The following FBXO3 variants were observed in gnomAD, a reference collection of about 807,000 sequenced individuals.
The protein encoded by FBXO3 is F-box only protein 3.
In FBXO3, 17 loss-of-function variants were observed where a neutral mutation model predicts 64.8. The observed-to-expected ratio is 0.26, with a 90% CI of 0.18 to 0.39. The LOEUF is 0.39. Among genes scored for constraint, FBXO3 ranks in the 10% least tolerant of loss-of-function variants. The pLI is 1.00. For synonymous variants in FBXO3, 182 were observed against 201.6 expected, an observed-to-expected ratio of 0.90 and a Z score of 0.82; for missense variants, 420 against 589.9, an observed-to-expected ratio of 0.71 and a Z score of 2.98.
intron 10 of FBXO3, 103 bp from the exon 11 acceptor site, chr11:33,742,187 CA>C (rs1191254976): frequency 9.0e-6 from 10 of 1,105,006 alleles, no homozygotes; most frequent in Non-Finnish European, 1.2e-5. Flanking sequence ...CCAGACACGC[CA>C]AATATGAATT....
rs138939203 is a variant in FBXO3, at chr11:33,770,910, T to G, written c.105-80A>C. 4,304 of 1,140,880 alleles carry G rather than the reference T, an allele frequency of 3.8e-3. 10 individuals are homozygous for G. Among genetic ancestry groups the G allele is most frequent in the Non-Finnish European group, 4.2e-3 (3,352 of 796,410 alleles). The allele number at this position is 1,140,880 out of a possible 1,614,324, so 70.7% of individuals were successfully genotyped here. A position where few individuals can be genotyped will look rare whatever the true frequency, so the allele number is the denominator to read the frequency against. Reference sequence around the variant, plus strand: ...AAATAAAGATTAAAATATTCATTGTTTTGTTTTATGCCTTTTGTTTCTCTT... The same window carrying G: ...AAATAAAGATTAAAATATTCATTGTGTTGTTTTATGCCTTTTGTTTCTCTT... On this transcript the variant is annotated intron_variant, in intron 1 of 10. Transcript: ENST00000265651.
intron 3 of FBXO3, among the ~76,000 whole-genome samples, chr11:33,760,564 G>C (rs1385929664): frequency 6.6e-6 from 1 of 152,048 alleles, no homozygotes; most frequent in East Asian, 1.9e-4. Context: ...AGGATTGTTT[G>C]AGCCCAGGAG....
chr11:33,754,284 C>T (rs577895547), intron 6 of FBXO3, 171 bp downstream of exon 6: 13 of 519,106 alleles, frequency 2.5e-5, no homozygotes, highest in Admixed American at 7.7e-5. Context: ...AATACAAAAA[C>T]GGTTCTAATG....
intron 5 of FBXO3, among the ~76,000 whole-genome samples, chr11:33,755,249 G>A (rs1855066808): frequency 6.6e-6 from 1 of 152,152 alleles, no homozygotes; most frequent in Admixed American, 6.5e-5. Context: ...GGCAGAGGTT[G>A]TGTAACTGAG....
chr11:33,758,926 TA>T (rs55636309), intron 3 of FBXO3, among the ~76,000 whole-genome samples: 44,071 of 148,074 alleles, frequency 0.3, 7,508 homozygotes, highest in Middle Eastern at 0.5. Flanking sequence ...TTATTTAAAA[TA>T]AAAAAAAAAA....
intron 6 of FBXO3, among the ~76,000 whole-genome samples, chr11:33,752,090 C>A (rs1331798382): frequency 6.6e-6 from 1 of 152,206 alleles, no homozygotes; most frequent in Non-Finnish European, 1.5e-5. Context: ...GGACATCTAC[C>A]AGGGACATGA....
intron 6 of FBXO3, 27 bp from the exon 7 acceptor site, chr11:33,751,634 A>G (rs771747738): frequency 5.1e-6 from 7 of 1,364,720 alleles, no homozygotes; most frequent in Middle Eastern, 2.0e-4. Flanking sequence ...GGAGAAAAAA[A>G]GAAAAGAACA....
chr11:33,772,313 C>T (rs1026358386), intron 1 of FBXO3: 1 of 152,192 alleles, frequency 6.6e-6, no homozygotes, highest in Non-Finnish European at 1.5e-5. Flanking sequence ...AAATGGTATT[C>T]AACTCAATTT....
chr11:33,757,544 C>T lies in FBXO3; in HGVS notation c.473+943G>A, dbSNP rs1482082574. ...AAAAAAAAAAAAAAGCTGAGCCAGG[C>T]ACAGTGGTATATGCTTGTAGCCCCA... On this transcript the variant is annotated intron_variant, in intron 4 of 10. Coordinates refer to ENST00000265651, the MANE Select transcript of FBXO3 (RefSeq NM_012175.4). 9.7e-5 allele frequency among the ~76,000 whole-genome samples: 13 copies of T among 134,398 alleles called. No individual in the cohort carries two copies. In the East Asian group the frequency reaches 2.6e-3, roughly 26 times the overall value. The allele number at this position is 134,398 out of a possible 152,430, so 88.2% of individuals were successfully genotyped here.
rs926200281 is a variant in FBXO3, at chr11:33,755,824, C to T, written c.625G>A (p.Ala209Thr). ...TTTCGGCCCTCTGCAGCTTCCACTG[C>T]TATGTACTGACTCAAACCAGTATGT... ...CIHTGLSQYI[A>T]VEAAEGRNKN... Residue 209 changes from alanine to threonine, a missense_variant, in exon 5 of 11, where the codon GCA becomes ACA. By Grantham distance (58) the Ala-to-Thr change is moderately conservative (BLOSUM62 0). Coordinates refer to ENST00000265651, the MANE Select transcript of FBXO3 (RefSeq NM_012175.4). 4.3e-6 allele frequency: 7 copies of T among 1,614,032 alleles called. No individual in the cohort carries two copies. Among genetic ancestry groups the T allele is most frequent in the Non-Finnish European group, 5.9e-6 (7 of 1,180,030 alleles).
At chr11:33,747,431 A>G in intron 9 of FBXO3, 111 bp from the exon 10 acceptor site, 2 of 830,118 alleles carry the variant, frequency 2.4e-6, no homozygotes, top group Non-Finnish European at 3.7e-6. Context: ...GTAAATGCAC[A>G]GTTAGAAAAA....
chr11:33,754,239 A>G, intron 6 of FBXO3: 1 of 472,934 alleles, frequency 2.1e-6, no homozygotes, highest in Non-Finnish European at 3.7e-6. Flanking sequence ...ATGAGATTGT[A>G]TATGGACTAG....
intron 8 of FBXO3, among the ~76,000 whole-genome samples, chr11:33,749,411 G>A (rs1412773671): frequency 1.3e-5 from 2 of 150,556 alleles, no homozygotes; most frequent in African/African-American, 2.5e-5. Context: ...CCAGGCTGGA[G>A]TGCACTGGTG....
intron 3 of FBXO3, among the ~76,000 whole-genome samples, chr11:33,762,575 G>C (rs1855268734): frequency 6.6e-6 from 1 of 151,896 alleles, no homozygotes; most frequent in Non-Finnish European, 1.5e-5. Context: ...AAAGAAATCA[G>C]AAAATACTTT....
chr11:33,767,676 T>C (rs1328344614), intron 3 of FBXO3: 1 of 152,214 alleles, frequency 6.6e-6, no homozygotes, highest in East Asian at 1.9e-4. Context: ...CATAGGACTT[T>C]TGCAATTAAA....
At position 33,758,989 on chromosome 11, in the gene FBXO3, A is replaced by T. The variant is rs960459471; in HGVS notation, c.359-388T>A. On this transcript the variant is annotated intron_variant, in intron 3 of 10. Transcript: ENST00000265651. ...ACTGATGTTATTTAAGAGTTTTAAC[A>T]TTGACTCTTAATGGGAAATATAGGA... 1.5e-4 allele frequency among the ~76,000 whole-genome samples: 23 copies of T among 152,296 alleles called. 1 individual carries two copies. The highest frequency in any genetic ancestry group is 5.5e-4 in the African/African-American group (23 of 41,566).
intron 5 of FBXO3, among the ~76,000 whole-genome samples, chr11:33,754,976 C>T (rs1489698477): frequency 8.3e-6 from 1 of 120,602 alleles, no homozygotes; most frequent in African/African-American, 4.0e-5. Context: ...AGCAATTCTC[C>T]TGCCTCAGCC....
chr11:33,748,579 AAAAAT>A (rs1321431437), intron 9 of FBXO3, among the ~76,000 whole-genome samples, 193 bp downstream of exon 9: 4 of 152,248 alleles, frequency 2.6e-5, no homozygotes, highest in Non-Finnish European at 4.4e-5. Flanking sequence ...ACCAGTTAAA[AAAAAT>A]AAAATAAAAT....
chr11:33,753,723 G>T (rs1855021830), intron 6 of FBXO3: 1 of 152,218 alleles, frequency 6.6e-6, no homozygotes, highest in South Asian at 2.1e-4. Context: ...GTTCCAATGA[G>T]AAGACAGAAG....
Sources: allele counts gnomAD v4.1 joint callset (sites outside exome capture counted in the v4.1 genomes callset), GRCh38; gene constraint gnomAD v4.1.1; transcripts MANE v1.5; gene names NCBI Gene and HGNC (gene_info 2026-07-23, HGNC 2026-07-21).